The following TAMM41 variants were observed in gnomAD, a reference collection of about 807,000 sequenced individuals.
TAMM41 encodes the protein TAM41 mitochondrial translocator assembly and maintenance homolog, also known as phosphatidate cytidylyltransferase, mitochondrial.
A neutral mutation model predicts 44.1 loss-of-function variants in TAMM41; 36 were observed. The ratio of observed to expected loss-of-function variants is 0.82; its 90% CI spans 0.63 to 1.08. TAMM41 has a LOEUF of 1.08. Ranked by LOEUF, TAMM41 falls within the 50% of genes least tolerant of loss-of-function variation. TAMM41 has a pLI of 0.00. For missense variants in TAMM41, 417 were observed against 404.3 expected, an observed-to-expected ratio of 1.03 and a Z score of -0.27; for synonymous variants, 164 against 153.1, an observed-to-expected ratio of 1.07 and a Z score of -0.53.
the TAMM41 span, among the ~76,000 whole-genome samples, chr3:11,779,593 A>G: frequency 6.6e-6 from 1 of 152,016 alleles, no homozygotes; most frequent in Non-Finnish European, 1.5e-5. Context: ...ATTACCTCTC[A>G]GGTTTGTTTG....
chr3:11,793,450 C>T (rs868087973), intron 7 of TAMM41, among the ~76,000 whole-genome samples: 18 of 152,310 alleles, frequency 1.2e-4, no homozygotes, highest in African/African-American at 3.8e-4. Context: ...TAAAGCTGAA[C>T]AGTCACATGC....
At chr3:11,771,783 A>C in the TAMM41 span, among the ~76,000 whole-genome samples, 968 of 150,796 alleles carry the variant, frequency 6.4e-3, 9 homozygotes, top group African/African-American at 0.023. Flanking sequence ...GGGTTTCACC[A>C]TGTTTGCCAG....
At chr3:11,772,739 CA>C in the TAMM41 span, among the ~76,000 whole-genome samples, 15 of 152,082 alleles carry the variant, frequency 9.9e-5, no homozygotes, top group African/African-American at 3.6e-4. Flanking sequence ...GAGAAATCCC[CA>C]TAATGTTTTT....
the TAMM41 span, among the ~76,000 whole-genome samples, chr3:11,761,946 C>CAAAAA: frequency 1.3e-4 from 10 of 74,942 alleles, no homozygotes; most frequent in African/African-American, 2.6e-4. Flanking sequence ...GACTCTGTCT[C>CAAAAA]AAAAAAAAAA....
At chr3:11,813,896 ATATGTATATATG>A in intron 5 of TAMM41, among the ~76,000 whole-genome samples, 1 of 147,392 alleles carries the variant, frequency 6.8e-6, no homozygotes, top group African/African-American at 2.6e-5. Flanking sequence ...ATATGTGTAT[ATATGTATATATG>A]TGTGTATATA....
At chr3:11,727,277 G>A in the TAMM41 span, among the ~76,000 whole-genome samples, 3 of 152,150 alleles carry the variant, frequency 2.0e-5, no homozygotes, top group Non-Finnish European at 2.9e-5. Context: ...GAGTCCACCT[G>A]CTTATGCCCC....
chr3:11,786,282 TAA>T (rs1559259282), downstream of TAMM41, among the ~76,000 whole-genome samples: 2,077 of 122,124 alleles, frequency 0.017, 42 homozygotes, highest in African/African-American at 0.061. Flanking sequence ...TTTATTTATT[TAA>T]TTTTATTATT....
chr3:11,769,657 C>T, the TAMM41 span, among the ~76,000 whole-genome samples: 4 of 152,146 alleles, frequency 2.6e-5, no homozygotes, highest in Non-Finnish European at 5.9e-5. Flanking sequence ...CATCATTTAC[C>T]AACTCCTATA....
At chr3:11,833,187 G>C in intron 3 of TAMM41, 1 of 1,274,540 alleles carries the variant, frequency 7.8e-7, no homozygotes, top group Non-Finnish European at 1.0e-6. Flanking sequence ...TTTGTGAATA[G>C]CTGTTTGTAT....
chr3:11,753,259 T>C, the TAMM41 span, among the ~76,000 whole-genome samples: 1 of 151,460 alleles, frequency 6.6e-6, no homozygotes, highest in Admixed American at 6.6e-5. Context: ...GACCCCCATC[T>C]CTACTAAAAA....
At chr3:11,813,153 T>C (rs777253709) in intron 5 of TAMM41, among the ~76,000 whole-genome samples, 3 of 152,204 alleles carry the variant, frequency 2.0e-5, no homozygotes, top group South Asian at 4.1e-4. Flanking sequence ...AGACACATTA[T>C]ACTTCCCTGT....
intron 3 of TAMM41, among the ~76,000 whole-genome samples, chr3:11,835,991 T>C (rs1045917868): frequency 4.1e-5 from 2 of 48,668 alleles, no homozygotes; most frequent in African/African-American, 1.4e-4. Context: ...TTCCTTTTCC[T>C]TTTTTTTTTT....
At chr3:11,766,068 C>G in the TAMM41 span, among the ~76,000 whole-genome samples, 1 of 152,188 alleles carries the variant, frequency 6.6e-6, no homozygotes, top group Non-Finnish European at 1.5e-5. Flanking sequence ...ATAGAGTCCA[C>G]AGGGTAGGCC....
At chr3:11,724,429 A>G in the TAMM41 span, among the ~76,000 whole-genome samples, 2 of 127,496 alleles carry the variant, frequency 1.6e-5, no homozygotes, top group South Asian at 2.5e-4. Context: ...TTTTATTTTT[A>G]TTTTGAGACA....
chr3:11,752,738 C>CCTT, the TAMM41 span, among the ~76,000 whole-genome samples: 1 of 144,444 alleles, frequency 6.9e-6, no homozygotes, highest in East Asian at 2.2e-4. Context: ...TTGCTGGGCT[C>CCTT]AAGCGATCCT....
intron 4 of TAMM41, among the ~76,000 whole-genome samples, chr3:11,818,700 TC>T (rs1367426725): frequency 2.6e-5 from 4 of 151,984 alleles, no homozygotes; most frequent in African/African-American, 4.8e-5. Flanking sequence ...ATCCAGACCA[TC>T]CTGGCTAACA....
rs1430057979 is a variant in TAMM41, at chr3:11,807,866, T to C, written c.904A>G (p.Ile302Val). The C allele has an allele frequency of 2.1e-5, 32 of 1,533,980 alleles. No individual in the cohort carries two copies. The highest frequency in any genetic ancestry group is 2.8e-5 in the Non-Finnish European group (32 of 1,145,776). Residue 302 changes from isoleucine to valine, a missense_variant, in exon 7 of 8, where the codon ATA becomes GTA. Coordinates refer to ENST00000455809, the MANE Select transcript of TAMM41 (RefSeq NM_001284401.2). Reference sequence around the variant, plus strand: ...AAAATGCCTTTCGTGCTCTGTCTTATACTAGACGGTCTCACGATTGCTGAA... The same window carrying C: ...AAAATGCCTTTCGTGCTCTGTCTTACACTAGACGGTCTCACGATTGCTGAA... ...GLSAIVRPSSIRQSTKGIFTA... is the reference protein window; with the variant it reads ...GLSAIVRPSSVRQSTKGIFTA...
chr3:11,747,690 C>T, the TAMM41 span, among the ~76,000 whole-genome samples: 1 of 151,776 alleles, frequency 6.6e-6, no homozygotes, highest in African/African-American at 2.4e-5. Context: ...TGCCTGAGCC[C>T]AGGAGGTTGA....
rs190375183 is a variant in TAMM41, at chr3:11,804,945, G to A, written c.937+2888C>T. On this transcript the variant is annotated intron_variant, in intron 7 of 7. Transcript: ENST00000455809. ...AGTGGTGCGTTCTTAGCTCAATGCC[G>A]CCTCGACTTCCTGGGCTCAGGACTA... is the stretch of plus-strand genomic sequence containing the variant. Among the ~76,000 whole-genome samples, 16 of 147,332 alleles carry A rather than the reference G, an allele frequency of 1.1e-4. No individual in the cohort carries two copies. The South Asian group carries it at 1.5e-3, about 14-fold the overall frequency.
Sources: allele counts gnomAD v4.1 joint callset (sites outside exome capture counted in the v4.1 genomes callset), GRCh38; gene constraint gnomAD v4.1.1; transcripts MANE v1.5; gene names NCBI Gene and HGNC (gene_info 2026-07-23, HGNC 2026-07-21).